Variants in GMPPB observed in about 807,000 individuals in gnomAD.
The protein encoded by GMPPB is mannose-1-phosphate guanylyltransferase catalytic subunit beta.
Under a neutral mutation model 40.3 loss-of-function variants are expected in GMPPB, and 38 were observed. That is an observed-to-expected ratio of 0.94 (90% CI 0.73 to 1.24). The LOEUF (loss-of-function observed/expected upper bound fraction) is 1.24, where lower values mean the gene tolerates loss of function less well. GMPPB is among the 50% of genes most tolerant of loss of function. The pLI is 0.00. For synonymous variants in GMPPB, 193 were observed against 191.8 expected (o/e 1.01, Z -0.05); for missense variants, 436 against 487.1 (o/e 0.90, Z 0.99).
At position 49,723,818 on chromosome 3, in the gene GMPPB, C is replaced by T; in HGVS notation, c.-92G>A. The T allele has an allele frequency of 1.4e-6, 2 of 1,404,886 alleles. No homozygotes were observed. Among genetic ancestry groups the T allele is most frequent in the Non-Finnish European group, 1.9e-6 (2 of 1,069,570 alleles). The allele number at this position is 1,404,886 out of a possible 1,614,324, so 87.0% of individuals were successfully genotyped here. On this transcript the variant is annotated 5_prime_UTR_variant, in exon 1 of 9. Transcript: ENST00000308388. ...TGCCGCGCACTCCCAACGCCGTGCC[C>T]GGCCCCGCGCCCTTCACCAACCCGC...
Position 49,723,741 on chromosome 3 carries a change from T to C in GMPPB, c.-15A>G, listed in dbSNP as rs770556548. On this transcript the variant is annotated 5_prime_UTR_variant, in exon 1 of 9. Transcript: ENST00000308388. ...AGTGCCTTCATCGCGCCTGCGGACG[T>C]TGAGGGGGTGTCCCGGGCTCTGAGG... 12 of 1,577,734 alleles carry C rather than the reference T, an allele frequency of 7.6e-6. No individual in the cohort carries two copies. The South Asian group carries it at 1.2e-4, about 15-fold the overall frequency.
chr3:49,721,427 C>G lies in GMPPB; in HGVS notation c.*325G>C. 7.6e-7 allele frequency: 1 copy of G among 1,320,340 alleles called. No homozygotes were observed. 81.8% of individuals were successfully genotyped at this position (1,320,340 alleles called of 1,614,324 possible). ...ACACCACCACATCCAACCTCCTTGC[C>G]TGCCTGTATCCTCATTGGTGGGAGC... On this transcript the variant is annotated 3_prime_UTR_variant, in exon 9 of 9. Coordinates refer to ENST00000308388, the MANE Select transcript of GMPPB (RefSeq NM_021971.4).
At position 49,720,561 on chromosome 3, in the gene GMPPB, G is replaced by A. The variant is rs769239848; in HGVS notation, c.*1191C>T. 26 of 1,611,154 alleles carry A rather than the reference G, an allele frequency of 1.6e-5. No individual in the cohort carries two copies. The highest frequency in any genetic ancestry group is 2.7e-5 in the African/African-American group (2 of 74,854). ...CTGGCAGATCCCTGCTTCCAGCTAC[G>A]CTCAATATGCTATCTCCTGGGACAG... is the stretch of plus-strand genomic sequence containing the variant. On this transcript the variant is annotated 3_prime_UTR_variant, in exon 9 of 9. Coordinates refer to ENST00000308388, the MANE Select transcript of GMPPB (RefSeq NM_021971.4).
In GMPPB at chr3:49,720,960, A is replaced by G. The variant is rs572224514; in HGVS notation, c.*792T>C. The stretch of plus-strand genomic sequence containing the variant: ...ATGTGTGCACTCCTACACAGGCACA[A>G]CGGACATCCACATAGCCAGGCATCC... On this transcript the variant is annotated 3_prime_UTR_variant, in exon 9 of 9. Transcript: ENST00000308388. 2 of 1,607,694 alleles carry G rather than the reference A, an allele frequency of 1.2e-6. No homozygotes were observed. Among genetic ancestry groups the G allele is most frequent in the African/African-American group, 2.7e-5 (2 of 74,772 alleles).
rs979514514 is a variant in GMPPB at position 49,720,640 on chromosome 3, C to G, written c.*1112G>C. 1 of 1,600,626 alleles carries G rather than the reference C, an allele frequency of 6.2e-7. No homozygotes were observed. Among genetic ancestry groups the G allele is most frequent in the Non-Finnish European group, 8.5e-7 (1 of 1,170,736 alleles). On this transcript the variant is annotated 3_prime_UTR_variant, in exon 9 of 9. Coordinates refer to ENST00000308388, the MANE Select transcript of GMPPB (RefSeq NM_021971.4). ...TGCCAGCCCCTGACCGGAAGCGCTTCTCCCTGCAGAGCTGTGAGTGGGCTG... is the reference window on the plus strand; with the variant it reads ...TGCCAGCCCCTGACCGGAAGCGCTTGTCCCTGCAGAGCTGTGAGTGGGCTG...
chr3:49,721,626 A>G lies in GMPPB; in HGVS notation c.*126T>C. 2 of 981,004 alleles carry G rather than the reference A, an allele frequency of 2.0e-6. No individual in the cohort carries two copies. The highest frequency in any genetic ancestry group is 2.0e-5 in the Admixed American group (1 of 49,904). 60.8% of individuals were successfully genotyped at this position (981,004 alleles called of 1,614,324 possible). ...GTCCACATGAGAAGGCAGGTGTCCA[A>G]CAGCTTCAGCTTCACCCAGTGCCCC... is the stretch of plus-strand genomic sequence containing the variant. On this transcript the variant is annotated 3_prime_UTR_variant, in exon 9 of 9. Transcript: ENST00000308388.
At chr3:49,722,203 T>C (rs1485363134) in intron 7 of GMPPB, 28 bp downstream of exon 7, 1 of 1,605,710 alleles carries the variant, frequency 6.2e-7, no homozygotes, top group African/African-American at 1.4e-5. Flanking sequence ...ACTGAGGGGG[T>C]TAATGATGGG....
In GMPPB at chr3:49,721,652, C is replaced by A; in HGVS notation, c.*100G>T. ...CAGCTTCAGCTTCACCCAGTGCCCC[C>A]CAGACAAATAATGACAAGTCCAGGG... is the stretch of plus-strand genomic sequence containing the variant. On this transcript the variant is annotated 3_prime_UTR_variant, in exon 9 of 9. Transcript: ENST00000308388. 1 of 1,185,228 alleles carries A rather than the reference C, an allele frequency of 8.4e-7. No homozygotes were observed. Among genetic ancestry groups the A allele is most frequent in the Non-Finnish European group, 1.2e-6 (1 of 828,756 alleles). The allele number at this position is 1,185,228 out of a possible 1,614,324, so 73.4% of individuals were successfully genotyped here. A position where few individuals can be genotyped will look rare whatever the true frequency, so the allele number is the denominator to read the frequency against.
In GMPPB at chr3:49,720,465, C is replaced by A. The variant is rs1455197455; in HGVS notation, c.*1287G>T. ...TGGCAATCCCAAGAGAGACTTTTAGCCAGGCCCCAAGCCTTCTGACTGCCC... is the reference window on the plus strand; with the variant it reads ...TGGCAATCCCAAGAGAGACTTTTAGACAGGCCCCAAGCCTTCTGACTGCCC... On this transcript the variant is annotated 3_prime_UTR_variant, in exon 9 of 9. Transcript: ENST00000308388. 1 of 1,504,018 alleles carries A rather than the reference C, an allele frequency of 6.6e-7. No individual in the cohort carries two copies. The highest frequency in any genetic ancestry group is 8.9e-7 in the Non-Finnish European group (1 of 1,125,418). The allele number at this position is 1,504,018 out of a possible 1,614,324, so 93.2% of individuals were successfully genotyped here. A position where few individuals can be genotyped will look rare whatever the true frequency, so the allele number is the denominator to read the frequency against.
intron 8 of GMPPB, 29 bp from the exon 9 acceptor site, chr3:49,721,912 A>G (rs1166554277): frequency 6.2e-7 from 1 of 1,613,726 alleles, no homozygotes; most frequent in Non-Finnish European, 8.5e-7. Flanking sequence ...CTTGTCAGGG[A>G]GGCAGGCACA....
At chr3:49,722,381 GGCCTCAGCCCA>G in intron 6 of GMPPB, 23 bp from the exon 7 acceptor site, 1 of 1,613,410 alleles carries the variant, frequency 6.2e-7, no homozygotes, top group Admixed American at 1.7e-5. Context: ...ATGCATCAGG[GGCCTCAGCCCA>G]GCCACAGACC....
Position 49,723,872 on chromosome 3 carries a change from C to T in GMPPB, c.-146G>A. 1 of 922,640 alleles carries T rather than the reference C, an allele frequency of 1.1e-6. No homozygotes were observed. Among genetic ancestry groups the T allele is most frequent in the Non-Finnish European group, 1.6e-6 (1 of 642,596 alleles). The allele number at this position is 922,640 out of a possible 1,614,324, so 57.2% of individuals were successfully genotyped here. On this transcript the variant is annotated 5_prime_UTR_variant, in exon 1 of 9. Transcript: ENST00000308388. ...ACAGACTCTGGCTCCACCTCGTCCG[C>T]CCGGTCGCCCTGACGCCGGATCCAG...
In GMPPB at chr3:49,723,000, C is replaced by A; in HGVS notation, c.374G>T (p.Arg125Leu). 1 of 1,613,444 alleles carries A rather than the reference C, an allele frequency of 6.2e-7. No homozygotes were observed. Among genetic ancestry groups the A allele is most frequent in the South Asian group, 1.1e-5 (1 of 91,054 alleles). The change falls in exon 4 of 9, where the codon CGG becomes CTG. Residue 125 changes from arginine (R) to leucine (L), a missense_variant. By Grantham distance (102) the Arg-to-Leu change is moderately radical. Coordinates refer to ENST00000308388, the MANE Select transcript of GMPPB (RefSeq NM_021971.4). The stretch of plus-strand genomic sequence containing the variant: ...GATGGAGCCCTCCTGGCCATGGTGC[C>A]GGTGGAACTGCACCATGGCTTGGAA... ...FPFQAMVQFH[R>L]HHGQEGSILV...
At chr3:49,722,410 C>T (rs1406804382) in intron 6 of GMPPB, 22 bp downstream of exon 6, 1 of 1,613,812 alleles carries the variant, frequency 6.2e-7, no homozygotes, top group African/African-American at 1.3e-5. Context: ...ACCACCCCCA[C>T]CCTGTGGCCT....
Position 49,721,954 on chromosome 3 carries a change from C to A in GMPPB, c.951+11G>T, listed in dbSNP as rs1166412984. The A allele has an allele frequency of 6.2e-7, 1 of 1,613,472 alleles. No individual in the cohort carries two copies. The highest frequency in any genetic ancestry group is 1.7e-5 in the Admixed American group (1 of 60,026). On this transcript the variant is annotated intron_variant, in intron 8 of 8. Transcript: ENST00000308388. ...GCCCCTCTCCCCACCCAGCCCAGCC[C>A]ACAGGCTTACCCACTGACCCACGCG...
At position 49,723,305 on chromosome 3, in the gene GMPPB, G is replaced by A; in HGVS notation, c.211-3C>T. 6.2e-7 allele frequency: 1 copy of A among 1,614,174 alleles called. No individual in the cohort carries two copies. ...GACATGGAGATTCGGATTCCCAGCT[G>A]GAAGGAAGAGGCCCCCCCAGTCAGG... On this transcript the variant is annotated splice_polypyrimidine_tract_variant and splice_region_variant and intron_variant, in intron 2 of 8. Coordinates refer to ENST00000308388, the MANE Select transcript of GMPPB (RefSeq NM_021971.4).
Position 49,722,968 on chromosome 3 carries a change from T to C in GMPPB, c.402+4A>G. On this transcript the variant is annotated splice_donor_region_variant and intron_variant, in intron 4 of 8. Coordinates refer to ENST00000308388, the MANE Select transcript of GMPPB (RefSeq NM_021971.4). ...GTCAAGAGAGAGAAGACCTGGCGCC[T>C]TACCAGGATGGAGCCCTCCTGGCCA... 6.2e-7 allele frequency: 1 copy of C among 1,613,160 alleles called. No homozygotes were observed. Among genetic ancestry groups the C allele is most frequent in the Non-Finnish European group, 8.5e-7 (1 of 1,179,614 alleles).
intron 4 of GMPPB, 53 bp from the exon 5 acceptor site, chr3:49,722,807 T>TA: frequency 6.4e-7 from 1 of 1,570,876 alleles, no homozygotes; most frequent in East Asian, 2.3e-5. Context: ...TAAGCCTTGA[T>TA]ACACATGCCG....
rs1170698272 is a variant in GMPPB at position 49,720,616 on chromosome 3, G to A, written c.*1136C>T. 14 of 1,605,886 alleles carry A rather than the reference G, an allele frequency of 8.7e-6. No homozygotes were observed. Among genetic ancestry groups the A allele is most frequent in the Non-Finnish European group, 1.1e-5 (13 of 1,174,400 alleles). On this transcript the variant is annotated 3_prime_UTR_variant, in exon 9 of 9. Transcript: ENST00000308388. Reference sequence around the variant, plus strand: ...AGCCCCCAGCACCTGGCACTGCTCTGCCAGCCCCTGACCGGAAGCGCTTCT... The same window carrying A: ...AGCCCCCAGCACCTGGCACTGCTCTACCAGCCCCTGACCGGAAGCGCTTCT...
Sources: gnomAD v4.1 joint callset for allele counts on GRCh38, gnomAD v4.1.1 for gene constraint, MANE v1.5 for transcripts, NCBI Gene and HGNC (gene_info 2026-07-23, HGNC 2026-07-21) for gene names.